Variants in KCNQ1 observed in about 807,000 individuals in gnomAD.
The protein encoded by KCNQ1 is potassium voltage-gated channel subfamily KQT member 1.
A neutral mutation model predicts 72.4 loss-of-function variants in KCNQ1; 49 were observed. That is an observed-to-expected ratio of 0.68 (90% CI 0.54 to 0.86). The LOEUF is 0.86. Ranked by LOEUF, KCNQ1 falls within the 40% of genes least tolerant of loss-of-function variation. KCNQ1 has a pLI of 0.00. For missense variants in KCNQ1, 790 were observed against 945.1 expected (o/e 0.84, Z 2.15); for synonymous variants, 450 against 412.6 (o/e 1.09, Z -1.10).
rs997262713 is a variant in KCNQ1, at chr11:2,663,617, C to G, written c.1514+1536C>G. ...CACCTTGGTTCTCTTGGTCACGGAC[C>G]AGCATCCAGACATGCAAAAAGTCCT... is the stretch of plus-strand genomic sequence containing the variant. On this transcript the variant is annotated intron_variant, in intron 11 of 15. Transcript: ENST00000155840. The surrounding 1 kb of genome is among the most constrained non-coding windows in gnomAD (Gnocchi z 5.2). 1.0e-4 allele frequency: 40 copies of G among 398,564 alleles called. No homozygotes were observed. Among genetic ancestry groups the G allele is most frequent in the Non-Finnish European group, 1.5e-4 (35 of 226,118 alleles). 24.7% of individuals were successfully genotyped at this position (398,564 alleles called of 1,614,324 possible).
chr11:2,847,833 G>C lies in KCNQ1; in HGVS notation c.1861G>C (p.Gly621Arg). 6.4e-7 allele frequency: 1 copy of C among 1,568,874 alleles called. No individual in the cohort carries two copies. Among genetic ancestry groups the C allele is most frequent in the Non-Finnish European group, 8.6e-7 (1 of 1,156,552 alleles). The change falls in exon 16 of 16, where the codon GGT becomes CGT. Residue 621 changes from glycine to arginine, a missense_variant. Gly to Arg is a moderately radical substitution (Grantham distance 125). This residue lies in a region of KCNQ1 where 94 missense variants were observed against 85.2 expected (regional missense o/e 1.10). Coordinates refer to ENST00000155840, the MANE Select transcript of KCNQ1 (RefSeq NM_000218.3). The part of the protein sequence containing the change: ...DMLHQLLSLH[G>R]GSTPGSGGPP... ...GCTTCACCAGCTGCTCTCCTTGCAC[G>C]GTGGCAGCACCCCCGGCAGCGGCGG... is the stretch of plus-strand genomic sequence containing the variant.
chr11:2,835,337 C>G (rs927995657), intron 15 of KCNQ1, among the ~76,000 whole-genome samples: 2 of 152,116 alleles, frequency 1.3e-5, no homozygotes, highest in African/African-American at 4.8e-5. Context: ...CTCCCATATT[C>G]CTCACACCCA....
chr11:2,569,190 C>T (rs926577998), intron 2 of KCNQ1, among the ~76,000 whole-genome samples: 1 of 152,208 alleles, frequency 6.6e-6, no homozygotes, highest in Admixed American at 6.5e-5. Flanking sequence ...GGCCCACACC[C>T]TTTCTTTACC....
At chr11:2,467,113 G>A (rs1157722799) in intron 1 of KCNQ1, among the ~76,000 whole-genome samples, 2 of 152,162 alleles carry the variant, frequency 1.3e-5, no homozygotes, top group South Asian at 4.1e-4. Context: ...GCTGTGGCTG[G>A]AGAGCCGGGC....
At chr11:2,605,132 T>C (rs1244012705) in intron 10 of KCNQ1, among the ~76,000 whole-genome samples, 2 of 152,334 alleles carry the variant, frequency 1.3e-5, no homozygotes, top group African/African-American at 4.8e-5. Context: ...TTCTTTAAGT[T>C]GGGATATTTG....
At chr11:2,552,123 T>A (rs1359527333) in intron 2 of KCNQ1, among the ~76,000 whole-genome samples, 1 of 152,220 alleles carries the variant, frequency 6.6e-6, no homozygotes, top group Non-Finnish European at 1.5e-5. Flanking sequence ...TTCTTCTTTT[T>A]TTTTTTCTTT....
intron 2 of KCNQ1, among the ~76,000 whole-genome samples, chr11:2,548,805 G>A (rs537480501): frequency 6.6e-6 from 1 of 152,352 alleles, no homozygotes; most frequent in African/African-American, 2.4e-5. Context: ...GCCCACGCAC[G>A]TACACACACA....
At position 2,624,419 on chromosome 11, in the gene KCNQ1, A is replaced by T; in HGVS notation, c.1393+35565A>T. ...TTACAGAGCAGAAACTTTTATTTTT[A>T]ACAAAGTCTAGCTTATCAATTATTT... On this transcript the variant is annotated intron_variant, in intron 10 of 15. Coordinates refer to ENST00000155840, the MANE Select transcript of KCNQ1 (RefSeq NM_000218.3). The surrounding 1 kb of genome is among the most constrained non-coding windows in gnomAD (Gnocchi z 4.9). 2.5e-6 allele frequency: 1 copy of T among 398,448 alleles called. No homozygotes were observed. The highest frequency in any genetic ancestry group is 2.1e-5 in the African/African-American group (1 of 48,720). The allele number at this position is 398,448 out of a possible 1,614,324, so 24.7% of individuals were successfully genotyped here. A position where few individuals can be genotyped will look rare whatever the true frequency, so the allele number is the denominator to read the frequency against.
chr11:2,754,027 G>A (rs919343209), intron 11 of KCNQ1, among the ~76,000 whole-genome samples: 7 of 152,230 alleles, frequency 4.6e-5, no homozygotes, highest in African/African-American at 1.7e-4. Flanking sequence ...TCTCCAAAGA[G>A]CAGATACAAA....
chr11:2,728,351 C>T (rs768483038), intron 11 of KCNQ1, among the ~76,000 whole-genome samples: 32 of 152,374 alleles, frequency 2.1e-4, no homozygotes, highest in Middle Eastern at 3.4e-3. Flanking sequence ...CCTGACCCGG[C>T]GCCAGCCCTC....
chr11:2,585,904 C>T (rs911139823), intron 8 of KCNQ1, among the ~76,000 whole-genome samples: 1 of 152,202 alleles, frequency 6.6e-6, no homozygotes, highest in Non-Finnish European at 1.5e-5. Flanking sequence ...CTCTGGGATG[C>T]TGGGCTCTGG....
chr11:2,788,942 C>T (rs1450594140), intron 15 of KCNQ1, among the ~76,000 whole-genome samples: 1 of 152,132 alleles, frequency 6.6e-6, no homozygotes, highest in Non-Finnish European at 1.5e-5. Context: ...GCAGGAGGCC[C>T]CTGGGGCCAG....
intron 14 of KCNQ1, chr11:2,777,578 A>T: frequency 7.4e-6 from 4 of 539,984 alleles, no homozygotes; most frequent in Middle Eastern, 4.7e-4. Flanking sequence ...AGATGCAAAC[A>T]GCAGCCACGG....
intron 15 of KCNQ1, among the ~76,000 whole-genome samples, chr11:2,811,197 C>T (rs1847478792): frequency 6.6e-6 from 1 of 152,216 alleles, no homozygotes; most frequent in African/African-American, 2.4e-5. Flanking sequence ...AATGGAGCCT[C>T]CCCCAGGAAG....
At chr11:2,519,121 C>T (rs925686221) in intron 1 of KCNQ1, among the ~76,000 whole-genome samples, 4 of 152,232 alleles carry the variant, frequency 2.6e-5, no homozygotes, top group Admixed American at 6.5e-5. Context: ...CAGCTGTTGC[C>T]GTTCTGGTGA....
chr11:2,669,990 G>A lies in KCNQ1; in HGVS notation c.1514+7909G>A, dbSNP rs1001629474. 8 of 398,672 alleles carry A rather than the reference G, an allele frequency of 2.0e-5. No individual in the cohort carries two copies. Among genetic ancestry groups the A allele is most frequent in the South Asian group, 1.3e-4 (1 of 7,862 alleles). The allele number at this position is 398,672 out of a possible 1,614,324, so 24.7% of individuals were successfully genotyped here. A position where few individuals can be genotyped will look rare whatever the true frequency, so the allele number is the denominator to read the frequency against. On this transcript the variant is annotated intron_variant, in intron 11 of 15. Transcript: ENST00000155840. This position sits in a 1 kb window ranked among gnomAD's most constrained non-coding sequence, Gnocchi z 5.6. Reference sequence around the variant, plus strand: ...TCCCCAAGTCACAACCTCAAATCTCGGAATGGGGTTCAGGAGCTGTTGGGG... The same window carrying A: ...TCCCCAAGTCACAACCTCAAATCTCAGAATGGGGTTCAGGAGCTGTTGGGG...
Position 2,664,190 on chromosome 11 carries a change from G to T in KCNQ1, c.1514+2109G>T. 1 of 398,718 alleles carries T rather than the reference G, an allele frequency of 2.5e-6. No individual in the cohort carries two copies. The highest frequency in any genetic ancestry group is 4.4e-6 in the Non-Finnish European group (1 of 226,172). 24.7% of individuals were successfully genotyped at this position (398,718 alleles called of 1,614,324 possible). On this transcript the variant is annotated intron_variant, in intron 11 of 15. Transcript: ENST00000155840. The surrounding 1 kb of genome is among the most constrained non-coding windows in gnomAD (Gnocchi z 5.1). Reference sequence around the variant, plus strand: ...GTGGCTGCTAGATATGAGCCAGCCTGGGAAGGCAGGAAGGAGCCCAGGCAT... The same window carrying T: ...GTGGCTGCTAGATATGAGCCAGCCTTGGAAGGCAGGAAGGAGCCCAGGCAT...
At chr11:2,632,410 A>G (rs957398734) in intron 10 of KCNQ1, 1 of 398,292 alleles carries the variant, frequency 2.5e-6, no homozygotes, top group Non-Finnish European at 4.4e-6. Context: ...GTTTAATATA[A>G]TGGCTAAAAT....
chr11:2,671,513 G>C lies in KCNQ1; in HGVS notation c.1514+9432G>C, dbSNP rs894300823. The stretch of plus-strand genomic sequence containing the variant: ...GGGATTATTTTTAGGGCCAATTCAA[G>C]GGATTTTTCAAAGGTTAATTTTGAC... On this transcript the variant is annotated intron_variant, in intron 11 of 15. Transcript: ENST00000155840. This position sits in a 1 kb window ranked among gnomAD's most constrained non-coding sequence, Gnocchi z 4.7. 39 of 398,476 alleles carry C rather than the reference G, an allele frequency of 9.8e-5. No homozygotes were observed. Among genetic ancestry groups the C allele is most frequent in the Non-Finnish European group, 1.4e-4 (31 of 226,088 alleles). The allele number at this position is 398,476 out of a possible 1,614,324, so 24.7% of individuals were successfully genotyped here.
Sources: allele counts gnomAD v4.1 joint callset (sites outside exome capture counted in the v4.1 genomes callset), GRCh38; gene constraint gnomAD v4.1.1; regional missense constraint gnomAD v4.1.1; non-coding constraint Gnocchi (gnomAD v3.1); transcripts MANE v1.5; gene names NCBI Gene and HGNC (gene_info 2026-07-23, HGNC 2026-07-21).